The following ABI2 variants were observed in gnomAD, a reference collection of about 807,000 sequenced individuals.
The protein encoded by ABI2 is abelson interactor 2.
A neutral mutation model predicts 59.2 loss-of-function variants in ABI2; 25 were observed. The ratio of observed to expected loss-of-function variants is 0.42; its 90% CI spans 0.31 to 0.59. The LOEUF (loss-of-function observed/expected upper bound fraction) is 0.59. Ranked by LOEUF, ABI2 falls within the 20% of genes least tolerant of loss-of-function variation. The pLI is 0.14. For missense variants in ABI2, 545 were observed against 681.8 expected, an observed-to-expected ratio of 0.80 and a Z score of 2.23; for synonymous variants, 213 against 235.5, an observed-to-expected ratio of 0.90 and a Z score of 0.87.
chr2:203,427,687 C>T lies in ABI2; in HGVS notation c.*335C>T, dbSNP rs141958154. The stretch of plus-strand genomic sequence containing the variant: ...AAATCTGGGATCTTTCTCAGGAATA[C>T]TGTATACCCTTGGGATTTCTCCTCC... On this transcript the variant is annotated 3_prime_UTR_variant, in exon 12 of 12. Transcript: ENST00000261018. The T allele has an allele frequency of 4.9e-3, 896 of 183,402 alleles. 1 individual carries two copies. Among genetic ancestry groups the T allele is most frequent in the Middle Eastern group, 0.034 (14 of 412 alleles). The allele number at this position is 183,402 out of a possible 1,614,324, so 11.4% of individuals were successfully genotyped here. A position where few individuals can be genotyped will look rare whatever the true frequency, so the allele number is the denominator to read the frequency against.
chr2:203,372,539 C>T (rs1456130968), intron 2 of ABI2, among the ~76,000 whole-genome samples: 15 of 147,084 alleles, frequency 1.0e-4, no homozygotes, highest in African/African-American at 2.5e-4. Flanking sequence ...CCAGACGGGG[C>T]GGCTGGCCGG....
At chr2:203,412,989 A>G (rs1449710428) in intron 10 of ABI2, among the ~76,000 whole-genome samples, 1 of 152,236 alleles carries the variant, frequency 6.6e-6, no homozygotes, top group African/African-American at 2.4e-5. Flanking sequence ...TTCCATCACA[A>G]ATCCGGTTTA....
At chr2:203,408,194 C>G (rs1048134114) in intron 9 of ABI2, among the ~76,000 whole-genome samples, 2 of 140,156 alleles carry the variant, frequency 1.4e-5, no homozygotes, top group African/African-American at 5.4e-5. Context: ...TGGAGTTTTG[C>G]TCTTGTTGCC....
intron 4 of ABI2, among the ~76,000 whole-genome samples, chr2:203,387,157 G>C (rs896520923): frequency 2.7e-5 from 4 of 148,374 alleles, no homozygotes; most frequent in African/African-American, 9.9e-5. Flanking sequence ...TAACATTTTA[G>C]GATGTGTCTG....
chr2:203,328,742 A>G lies in ABI2; in HGVS notation c.117+111A>G, dbSNP rs13034304. On this transcript the variant is annotated intron_variant, in intron 1 of 11. Transcript: ENST00000261018. ...GGGACACGGCCCAGCGGAGCCCCCG[A>G]TGGGGGTGGGGAGCTGGGTGAGGGC... The G allele has an allele frequency of 2.2e-5, 13 of 578,524 alleles. No individual in the cohort carries two copies. In the Admixed American group the frequency reaches 4.3e-4, roughly 19 times the overall value. The allele number at this position is 578,524 out of a possible 1,614,324, so 35.8% of individuals were successfully genotyped here.
chr2:203,427,481 T>C lies in ABI2; in HGVS notation c.*129T>C. On this transcript the variant is annotated 3_prime_UTR_variant, in exon 12 of 12. Transcript: ENST00000261018. ...ATGATAAAAATTACACTTTTTTTTT[T>C]GGTTTATTCCCCAGTATTAAAAACA... 1.2e-6 allele frequency: 1 copy of C among 868,172 alleles called. No individual in the cohort carries two copies. The highest frequency in any genetic ancestry group is 1.7e-6 in the Non-Finnish European group (1 of 590,118). 53.8% of individuals were successfully genotyped at this position (868,172 alleles called of 1,614,324 possible).
chr2:203,380,010 T>C (rs923519593), intron 2 of ABI2, among the ~76,000 whole-genome samples, 198 bp from the exon 3 acceptor site: 19 of 152,242 alleles, frequency 1.2e-4, no homozygotes, highest in Non-Finnish European at 2.6e-4. Context: ...TGGGCCAGAT[T>C]TGGCCTGTGG....
At chr2:203,371,316 C>T (rs887975969) in intron 2 of ABI2, among the ~76,000 whole-genome samples, 1 of 152,184 alleles carries the variant, frequency 6.6e-6, no homozygotes, top group Non-Finnish European at 1.5e-5. Flanking sequence ...TGACTGTACT[C>T]TGTATCGGGG....
intron 7 of ABI2, 123 bp downstream of exon 7, chr2:203,395,903 G>A: frequency 8.6e-7 from 1 of 1,156,406 alleles, no homozygotes. Flanking sequence ...ATAAATATTG[G>A]GAAGTCTATA....
chr2:203,374,472 C>T (rs2095540697), intron 2 of ABI2, among the ~76,000 whole-genome samples: 1 of 139,920 alleles, frequency 7.1e-6, no homozygotes, highest in African/African-American at 2.7e-5. Context: ...GCATTCCAGC[C>T]TGGGTGGCAA....
rs1357356693 is a variant in ABI2 at position 203,416,960 on chromosome 2, G to A, written c.1332G>A (p.Glu444=). Residue 444 remains glutamate (E), a synonymous_variant, in exon 11 of 12, where the codon GAG becomes GAA. Coordinates refer to ENST00000261018, the MANE Select transcript of ABI2 (RefSeq NM_001375670.1). The part of the protein sequence containing the change: ...PPPVEEPVFD[E]SPPPPPPPED... ...CTGTGGAAGAACCAGTCTTTGATGA[G>A]TCTCCCCCACCTCCTCCTCCTCCAG... The A allele has an allele frequency of 6.2e-7, 1 of 1,613,962 alleles. No individual in the cohort carries two copies.
At chr2:203,415,573 C>T (rs1244814256) in intron 10 of ABI2, among the ~76,000 whole-genome samples, 2 of 136,148 alleles carry the variant, frequency 1.5e-5, no homozygotes, top group African/African-American at 5.5e-5. Flanking sequence ...GCCGAGATCA[C>T]ACCACTGCAC....
intron 2 of ABI2, among the ~76,000 whole-genome samples, chr2:203,379,699 A>G (rs778586904): frequency 5.3e-5 from 8 of 152,178 alleles, no homozygotes; most frequent in Non-Finnish European, 7.4e-5. Flanking sequence ...AGAGGGAAAA[A>G]TTAGCATGCT....
intron 10 of ABI2, among the ~76,000 whole-genome samples, chr2:203,411,676 G>A (rs1354137581): frequency 6.6e-6 from 1 of 152,126 alleles, no homozygotes; most frequent in East Asian, 1.9e-4. Flanking sequence ...CAGATAAGTG[G>A]TAGTCTAGTT....
At chr2:203,353,227 TAC>T (rs1245493734) in intron 1 of ABI2, among the ~76,000 whole-genome samples, 1 of 152,242 alleles carries the variant, frequency 6.6e-6, no homozygotes, top group Admixed American at 6.5e-5. Context: ...CATATAAAAA[TAC>T]AGTTGATTTT....
At chr2:203,384,439 T>C (rs1456673524) in intron 4 of ABI2, among the ~76,000 whole-genome samples, 1 of 151,988 alleles carries the variant, frequency 6.6e-6, no homozygotes, top group Non-Finnish European at 1.5e-5. Flanking sequence ...CCTGAGTAGT[T>C]GGTACTACAT....
intron 4 of ABI2, among the ~76,000 whole-genome samples, chr2:203,384,300 T>TTTTTTTTTTTG (rs1559289310): frequency 1.5e-4 from 15 of 102,444 alleles, no homozygotes; most frequent in African/African-American, 3.3e-4. Context: ...GTTTTTTTTT[T>TTTTTTTTTTTG]TTTTTTTTTT....
At chr2:203,398,561 A>G (rs1436327972) in intron 8 of ABI2, among the ~76,000 whole-genome samples, 1 of 152,206 alleles carries the variant, frequency 6.6e-6, no homozygotes, top group Non-Finnish European at 1.5e-5. Flanking sequence ...ACCAAGGTAT[A>G]ACTTATGTAC....
At position 203,430,616 on chromosome 2, in the gene ABI2, A is replaced by G. The variant is rs994690586; in HGVS notation, c.*3264A>G. The G allele has an allele frequency of 1.3e-5, 2 of 152,162 alleles. No homozygotes were observed. The highest frequency in any genetic ancestry group is 4.8e-5 in the African/African-American group (2 of 41,440). 9.4% of individuals were successfully genotyped at this position (152,162 alleles called of 1,614,324 possible). On this transcript the variant is annotated 3_prime_UTR_variant, in exon 12 of 12. Transcript: ENST00000261018. ...AATCTTCTAAGCTATCTTGTTTAATATTTTCCATCATTTAGCTACTTCCTA... is the reference window on the plus strand; with the variant it reads ...AATCTTCTAAGCTATCTTGTTTAATGTTTTCCATCATTTAGCTACTTCCTA...
Sources: gnomAD v4.1 joint callset for allele counts (sites outside exome capture counted in the v4.1 genomes callset) on GRCh38, gnomAD v4.1.1 for gene constraint, MANE v1.5 for transcripts, NCBI Gene and HGNC (gene_info 2026-07-23, HGNC 2026-07-21) for gene names.